The following ZNF713 variants were observed in gnomAD, a reference collection of about 807,000 sequenced individuals.
ZNF713 encodes zinc finger protein 713.
A neutral mutation model predicts 28.7 loss-of-function variants in ZNF713; 21 were observed. The ratio of observed to expected loss-of-function variants is 0.73; its 90% CI spans 0.52 to 1.05. The LOEUF is 1.05. Ranked by LOEUF, ZNF713 falls within the 50% of genes least tolerant of loss-of-function variation. ZNF713 has a pLI of 0.00. For missense variants in ZNF713, 458 were observed against 532.4 expected (o/e 0.86, Z 1.37); for synonymous variants, 167 against 178.0 (o/e 0.94, Z 0.49).
chr7:55,900,917 C>T (rs1200143851), intron 1 of ZNF713, among the ~76,000 whole-genome samples: 2 of 152,158 alleles, frequency 1.3e-5, no homozygotes, highest in East Asian at 3.8e-4. Flanking sequence ...GTGATCCACC[C>T]ACCTTGGCCT....
intron 6 of ZNF713, among the ~76,000 whole-genome samples, chr7:55,926,870 G>A (rs1038473734): frequency 1.3e-5 from 2 of 152,312 alleles, no homozygotes; most frequent in African/African-American, 4.8e-5. Flanking sequence ...GTGGCTCATG[G>A]CTCATGCCTA....
Position 55,930,922 on chromosome 7 carries a change from A to T in ZNF713, c.307+7223A>T, listed in dbSNP as rs187758779. On this transcript the variant is annotated intron_variant, in intron 6 of 6. Transcript: ENST00000429591. ...AACCTTGCCAAAGCAATAGTTGTAAATTATTGTTAACCACCACTTTCATTA... is the reference window on the plus strand; with the variant it reads ...AACCTTGCCAAAGCAATAGTTGTAATTTATTGTTAACCACCACTTTCATTA... 1.6e-4 allele frequency among the ~76,000 whole-genome samples: 25 copies of T among 152,304 alleles called. No individual in the cohort carries two copies. The East Asian group carries it at 4.4e-3, about 27-fold the overall frequency.
At chr7:55,922,459 A>T (rs1584312424) in intron 4 of ZNF713, among the ~76,000 whole-genome samples, 2 of 150,526 alleles carry the variant, frequency 1.3e-5, no homozygotes, top group African/African-American at 4.9e-5. Flanking sequence ...AATTGCTTGA[A>T]CCTGGGAAGC....
At chr7:55,919,505 T>TTTTG (rs1562743552) in intron 4 of ZNF713, among the ~76,000 whole-genome samples, 2 of 59,376 alleles carry the variant, frequency 3.4e-5, no homozygotes, top group Admixed American at 1.9e-4. Context: ...TTTTTTTTTT[T>TTTTG]TTTTTTTTTT....
intron 6 of ZNF713, among the ~76,000 whole-genome samples, chr7:55,934,615 TCA>T (rs2116266884): frequency 6.6e-6 from 1 of 152,160 alleles, no homozygotes; most frequent in Admixed American, 6.5e-5. Context: ...GGTGACCCTC[TCA>T]CCTCAGCCTC....
At chr7:55,896,410 A>G (rs758577389) in intron 1 of ZNF713, among the ~76,000 whole-genome samples, 30 of 152,168 alleles carry the variant, frequency 2.0e-4, no homozygotes, top group Non-Finnish European at 2.9e-4. Context: ...GAACTCTATT[A>G]TAAAGCTGTG....
intron 1 of ZNF713, among the ~76,000 whole-genome samples, chr7:55,891,523 C>T (rs1361314583): frequency 2.0e-5 from 3 of 150,816 alleles, no homozygotes; most frequent in Non-Finnish European, 4.4e-5. Context: ...CTAATAACAA[C>T]AACAACAACA....
At chr7:55,891,104 A>G (rs1452421326) in intron 1 of ZNF713, among the ~76,000 whole-genome samples, 1 of 152,240 alleles carries the variant, frequency 6.6e-6, no homozygotes, top group Non-Finnish European at 1.5e-5. Context: ...TTGAATGAAC[A>G]CTAAATGAAA....
At chr7:55,895,704 G>A (rs1212985716) in intron 1 of ZNF713, among the ~76,000 whole-genome samples, 14 of 151,970 alleles carry the variant, frequency 9.2e-5, no homozygotes, top group Admixed American at 9.2e-4. Flanking sequence ...CCGACCTCAG[G>A]CAATCTGCCC....
rs1785802962 is a variant in ZNF713, at chr7:55,912,515, T to A, written c.-2-120T>A. The A allele has an allele frequency of 4.5e-6, 3 of 665,264 alleles. No individual in the cohort carries two copies. The South Asian group carries it at 5.8e-5, about 13-fold the overall frequency. The allele number at this position is 665,264 out of a possible 1,614,324, so 41.2% of individuals were successfully genotyped here. On this transcript the variant is annotated intron_variant, in intron 3 of 6. Transcript: ENST00000429591. The stretch of plus-strand genomic sequence containing the variant: ...AGAAGAGTAGAGACGTCACAACCTT[T>A]AGGCTTATGTCTTAGAGGGCTTCTC...
chr7:55,908,332 G>C (rs113704758), intron 2 of ZNF713, among the ~76,000 whole-genome samples: 21,656 of 151,844 alleles, frequency 0.14, 1,722 homozygotes, highest in Non-Finnish European at 0.18. Context: ...TAGTAGAGAC[G>C]GGGTTTCACC....
intron 1 of ZNF713, among the ~76,000 whole-genome samples, chr7:55,892,959 T>G (rs1266790921): frequency 6.6e-6 from 1 of 151,078 alleles, no homozygotes; most frequent in East Asian, 2.0e-4. Context: ...CTCTGCTCAC[T>G]GCAAGCTCCG....
At chr7:55,903,181 C>T (rs1785609492) in intron 1 of ZNF713, among the ~76,000 whole-genome samples, 2 of 151,808 alleles carry the variant, frequency 1.3e-5, no homozygotes, top group Non-Finnish European at 2.9e-5. Flanking sequence ...AAGCAAACAC[C>T]AAAATCCTTT....
chr7:55,933,673 A>G (rs908217930), intron 6 of ZNF713, among the ~76,000 whole-genome samples: 3 of 152,028 alleles, frequency 2.0e-5, no homozygotes, highest in African/African-American at 7.3e-5. Context: ...CTTGTTGGCC[A>G]TGCATAAACT....
chr7:55,906,471 G>GTGAGCC (rs1554335951), intron 2 of ZNF713, 92 bp downstream of exon 2: 1 of 152,202 alleles, frequency 6.6e-6, no homozygotes, highest in Non-Finnish European at 1.5e-5. Flanking sequence ...TTCCTTAAGA[G>GTGAGCC]TGAGGGCTTC....
rs1200067795 is a variant in ZNF713 at position 55,939,690 on chromosome 7, A to C, written c.1016A>C (p.Glu339Ala). 1.9e-6 allele frequency: 3 copies of C among 1,614,202 alleles called. No individual in the cohort carries two copies. Among genetic ancestry groups the C allele is most frequent in the Middle Eastern group, 1.6e-4 (1 of 6,062 alleles). Residue 339 changes from glutamate to alanine, a missense_variant, in exon 7 of 7, where the codon GAA (glutamate) becomes GCA (alanine). Transcript: ENST00000429591. ...CAACATCTGAGGATTCATACTGGAG[A>C]AAAGCCCTATAAATGTAATCAATGT... Reference protein sequence around the residue: ...FTQHLRIHTGEKPYKCNQCGK... With the variant: ...FTQHLRIHTGAKPYKCNQCGK...
At chr7:55,888,549 TTTGTTG>T (rs994433085) in intron 1 of ZNF713, among the ~76,000 whole-genome samples, 47 of 151,894 alleles carry the variant, frequency 3.1e-4, no homozygotes, top group African/African-American at 1.1e-3. Context: ...CGTGCGGCTT[TTTGTTG>T]TTGTTGTTGT....
chr7:55,937,928 G>A (rs998113869), intron 6 of ZNF713, among the ~76,000 whole-genome samples: 4 of 152,008 alleles, frequency 2.6e-5, no homozygotes, highest in African/African-American at 9.6e-5. Flanking sequence ...AAGAGGCCGG[G>A]CACGGTGGCT....
chr7:55,890,082 C>T (rs2116153777), intron 1 of ZNF713, among the ~76,000 whole-genome samples: 1 of 152,302 alleles, frequency 6.6e-6, no homozygotes, highest in Middle Eastern at 3.4e-3. Flanking sequence ...TGGGTGCATG[C>T]ATTCCTGTGC....
Sources: gnomAD v4.1 joint callset for allele counts (sites outside exome capture counted in the v4.1 genomes callset) on GRCh38, gnomAD v4.1.1 for gene constraint, MANE v1.5 for transcripts, NCBI Gene and HGNC (gene_info 2026-07-23, HGNC 2026-07-21) for gene names.